The following TERB1 variants were observed in gnomAD, a reference collection of about 807,000 sequenced individuals.
The protein encoded by TERB1 is telomere repeat binding bouquet formation protein 1.
In TERB1, 63 loss-of-function variants were observed where a neutral mutation model predicts 92.3. The observed-to-expected ratio is 0.68, with a 90% CI of 0.56 to 0.84. The LOEUF is 0.84. TERB1 is among the 40% of genes least tolerant of loss of function. The pLI is 0.00. For missense variants in TERB1, 709 were observed against 843.7 expected (o/e 0.84, Z 1.98); for synonymous variants, 252 against 283.9 (o/e 0.89, Z 1.13).
chr16:66,773,539 C>T (rs762531072), intron 12 of TERB1, among the ~76,000 whole-genome samples: 4 of 152,082 alleles, frequency 2.6e-5, no homozygotes, highest in Non-Finnish European at 5.9e-5. Context: ...GCCTTTGTGC[C>T]TCACTGTTGC....
At position 66,783,255 on chromosome 16, in the gene TERB1, T is replaced by C. The variant is rs3963460; in HGVS notation, c.700+2531A>G. 1.3e-4 allele frequency among the ~76,000 whole-genome samples: 20 copies of C among 152,338 alleles called. No individual in the cohort carries two copies. The South Asian group carries it at 2.9e-3, about 22-fold the overall frequency. ...GAGGTCGTTTATCACATTAAGGAAG[T>C]TTCCTTCTGTTCCTAGTTTACCATG... On this transcript the variant is annotated intron_variant, in intron 9 of 18. Coordinates refer to ENST00000433154, the MANE Select transcript of TERB1 (RefSeq NM_001136505.2).
intron 3 of TERB1, among the ~76,000 whole-genome samples, chr16:66,793,265 A>G (rs8056451): frequency 0.96 from 137,206 of 143,218 alleles, 65,748 homozygotes; most frequent in Middle Eastern, 1. Context: ...TCACCCAGGC[A>G]GGAGCGCAGT....
At chr16:66,780,618 T>C (rs1242821958) in intron 9 of TERB1, among the ~76,000 whole-genome samples, 1 of 151,550 alleles carries the variant, frequency 6.6e-6, no homozygotes. Flanking sequence ...AAAATGGCAG[T>C]GTGTTACCAC....
rs74394417 is a variant in TERB1 at position 66,773,068 on chromosome 16, C to T, written c.1112-319G>A. 7.2e-3 allele frequency among the ~76,000 whole-genome samples: 1,093 copies of T among 151,846 alleles called. 34 individuals are homozygous for T. Among genetic ancestry groups the T allele is most frequent in the Admixed American group, 0.049 (753 of 15,230 alleles). ...TTTAGGCCCGGCACAGTGGCTCACA[C>T]TTGTAATCCTTGCATTTTGGGATGC... On this transcript the variant is annotated intron_variant, in intron 12 of 18. Coordinates refer to ENST00000433154, the MANE Select transcript of TERB1 (RefSeq NM_001136505.2).
chr16:66,787,371 C>T (rs1248401727), intron 6 of TERB1, among the ~76,000 whole-genome samples: 3 of 151,116 alleles, frequency 2.0e-5, no homozygotes, highest in African/African-American at 7.3e-5. Flanking sequence ...TTAAGGGATC[C>T]TCCCACCTTG....
intron 15 of TERB1, 27 bp from the exon 16 acceptor site, chr16:66,767,537 T>A: frequency 8.1e-5 from 67 of 831,296 alleles, no homozygotes; most frequent in Non-Finnish European, 1.1e-4. Context: ...AATGAAGGAT[T>A]TTTGGATTAA....
chr16:66,761,594 C>T (rs138844350), intron 16 of TERB1, among the ~76,000 whole-genome samples: 1,539 of 151,884 alleles, frequency 0.01, 32 homozygotes, highest in African/African-American at 0.035. Flanking sequence ...AATTCAAGAC[C>T]ATCCTGGGCA....
At chr16:66,796,660 T>C (rs2018933479) in intron 3 of TERB1, 108 bp downstream of exon 3, 5 of 814,914 alleles carry the variant, frequency 6.1e-6, no homozygotes, top group South Asian at 3.3e-5. Context: ...TCAATAGTTA[T>C]GTAAATGGCT....
chr16:66,774,993 G>T, intron 12 of TERB1, 125 bp downstream of exon 12: 3 of 1,011,100 alleles, frequency 3.0e-6, no homozygotes, highest in Non-Finnish European at 2.9e-6. Context: ...CACTGTGCAG[G>T]GCCTAGTCTG....
At chr16:66,781,557 T>C (rs1039919953) in intron 9 of TERB1, among the ~76,000 whole-genome samples, 4 of 149,394 alleles carry the variant, frequency 2.7e-5, no homozygotes, top group Non-Finnish European at 5.9e-5. Context: ...TCTCTCTCTG[T>C]AGCCCAGGCT....
chr16:66,798,680 T>C (rs1384274104), intron 2 of TERB1, among the ~76,000 whole-genome samples: 3 of 152,194 alleles, frequency 2.0e-5, no homozygotes, highest in Non-Finnish European at 2.9e-5. Flanking sequence ...GAGGTAAACA[T>C]AAAATAAGAC....
chr16:66,789,380 C>T lies in TERB1; in HGVS notation c.272-1083G>A, dbSNP rs1446050737. ...CGGGCGGATCACGAGGTCAGGAGAT[C>T]GAGACCATCCTGGCTAACACGGTGA... On this transcript the variant is annotated intron_variant, in intron 5 of 18. Coordinates refer to ENST00000433154, the MANE Select transcript of TERB1 (RefSeq NM_001136505.2). Among the ~76,000 whole-genome samples the T allele has an allele frequency of 5.1e-5, 2 of 39,216 alleles. 1 individual carries two copies. The highest frequency in any genetic ancestry group is 3.6e-4 in the African/African-American group (2 of 5,612). 25.7% of individuals were successfully genotyped at this position (39,216 alleles called of 152,430 possible).
chr16:66,761,628 C>A (rs1355960453), intron 16 of TERB1, among the ~76,000 whole-genome samples: 1 of 149,752 alleles, frequency 6.7e-6, no homozygotes, highest in Non-Finnish European at 1.5e-5. Context: ...CTGTCCCTAC[C>A]AAAAAAAATA....
At chr16:66,762,558 A>G (rs1398169933) in intron 16 of TERB1, among the ~76,000 whole-genome samples, 1 of 151,256 alleles carries the variant, frequency 6.6e-6, no homozygotes, top group East Asian at 2.0e-4. Context: ...CTAATTTTTT[A>G]TTTTTTGTAG....
intron 3 of TERB1, among the ~76,000 whole-genome samples, chr16:66,796,543 G>A (rs1350552914): frequency 1.3e-5 from 2 of 152,144 alleles, no homozygotes; most frequent in Non-Finnish European, 2.9e-5. Context: ...TGTATACACT[G>A]ACATTAAATC....
intron 2 of TERB1, among the ~76,000 whole-genome samples, chr16:66,798,892 C>T (rs994758541): frequency 2.6e-5 from 4 of 152,058 alleles, no homozygotes; most frequent in Non-Finnish European, 4.4e-5. Flanking sequence ...ATTATAAGGA[C>T]GAAGATACAT....
chr16:66,767,338 C>CAAAA, intron 16 of TERB1, 77 bp downstream of exon 16: 14 of 694,824 alleles, frequency 2.0e-5, no homozygotes, highest in Non-Finnish European at 2.9e-5. Flanking sequence ...GACTCTGTAT[C>CAAAA]AAAAAAAAAA....
chr16:66,796,686 T>C, intron 3 of TERB1, 82 bp downstream of exon 3: 1 of 978,130 alleles, frequency 1.0e-6, no homozygotes, highest in Non-Finnish European at 1.6e-6. Flanking sequence ...ATTCTTTCAT[T>C]TCCTGGATCC....
At chr16:66,790,426 GGAAAGAGAGA>G (rs748344145) in intron 5 of TERB1, among the ~76,000 whole-genome samples, 159 bp downstream of exon 5, 63 of 144,114 alleles carry the variant, frequency 4.4e-4, no homozygotes, top group Non-Finnish European at 7.1e-4. Flanking sequence ...AGGAAAGGAA[GGAAAGAGAGA>G]GAAAGAGAGA....
Sources: gnomAD v4.1 joint callset for allele counts (sites outside exome capture counted in the v4.1 genomes callset) on GRCh38, gnomAD v4.1.1 for gene constraint, MANE v1.5 for transcripts, NCBI Gene and HGNC (gene_info 2026-07-23, HGNC 2026-07-21) for gene names.